OTOGL: variants seen among roughly 807,000 people sequenced by gnomAD.
OTOGL encodes otogelin like.
A neutral mutation model predicts 318.5 loss-of-function variants in OTOGL; 285 were observed. That is an observed-to-expected ratio of 0.89 (90% CI 0.81 to 0.99). The LOEUF (loss-of-function observed/expected upper bound fraction) is 0.99, where lower values mean the gene tolerates loss of function less well. Ranked by LOEUF, OTOGL falls within the 50% of genes least tolerant of loss-of-function variation. The probability of loss-of-function intolerance (pLI) is 0.00; values close to 1 mark genes in which losing one functional copy is unlikely to be tolerated. For synonymous variants in OTOGL, 987 were observed against 936.5 expected, an observed-to-expected ratio of 1.05 and a Z score of -0.99; for missense variants, 2,899 against 2,845.6, an observed-to-expected ratio of 1.02 and a Z score of -0.43.
At position 80,266,612 on chromosome 12, in the gene OTOGL, C is replaced by A. The variant is rs759309591; in HGVS notation, c.2386C>A (p.Pro796Thr). 45 of 1,612,550 alleles carry A rather than the reference C, an allele frequency of 2.8e-5. No homozygotes were observed. Among genetic ancestry groups the A allele is most frequent in the Non-Finnish European group, 3.8e-5 (45 of 1,179,188 alleles). Residue 796 changes from proline to threonine, a missense_variant, in exon 21 of 59, where the codon CCC becomes ACC. By Grantham distance (38) the Pro-to-Thr change is conservative (BLOSUM62 -1). Around this residue, in one of 3 missense-constraint regions of OTOGL, gnomAD observed 2,607 missense variants for 2,524.9 expected, o/e 1.03. Coordinates refer to ENST00000547103, the MANE Select transcript of OTOGL (RefSeq NM_001378609.3). ...TGAAGACACTCTTAACTTTTGTGTACCCATGTAAGTCGTAGAAACAGGTTG... is the reference window on the plus strand; with the variant it reads ...TGAAGACACTCTTAACTTTTGTGTAACCATGTAAGTCGTAGAAACAGGTTG... ...FYEDTLNFCV[P>T]IFHCRCHYRG...
At chr12:80,107,665 C>T (rs1434604459) in intron 1 of OTOGL, among the ~76,000 whole-genome samples, 6 of 152,006 alleles carry the variant, frequency 3.9e-5, no homozygotes, top group South Asian at 2.1e-4. Flanking sequence ...TTCATTGCAG[C>T]GCTGTTTACA....
intron 32 of OTOGL, among the ~76,000 whole-genome samples, chr12:80,315,826 G>A (rs1886935044): frequency 1.3e-5 from 2 of 152,044 alleles, no homozygotes; most frequent in Non-Finnish European, 2.9e-5. Context: ...AAAGAAAATC[G>A]AACTAAAATT....
At chr12:80,297,162 G>T (rs985976019) in intron 27 of OTOGL, among the ~76,000 whole-genome samples, 7 of 151,602 alleles carry the variant, frequency 4.6e-5, no homozygotes, top group Non-Finnish European at 1.0e-4. Context: ...CTTCCAATTC[G>T]CTCCTCTTGC....
intron 54 of OTOGL, 93 bp downstream of exon 54, chr12:80,367,832 T>C: frequency 6.2e-6 from 5 of 804,722 alleles, no homozygotes; most frequent in African/African-American, 1.8e-5. Context: ...TCCATTAGTT[T>C]AAAATATATA....
At chr12:80,151,277 T>A (rs1297989275) in intron 1 of OTOGL, among the ~76,000 whole-genome samples, 1 of 152,170 alleles carries the variant, frequency 6.6e-6, no homozygotes, top group Non-Finnish European at 1.5e-5. Context: ...AACTAAGATT[T>A]GATAGAAACT....
In OTOGL at chr12:80,174,945, A is replaced by AAACTGAGT. The variant is rs1319361539; in HGVS notation, c.-19-34465_-19-34458dup. On this transcript the variant is annotated intron_variant, in intron 1 of 58. Coordinates refer to ENST00000547103, the MANE Select transcript of OTOGL (RefSeq NM_001378609.3). ...TAAAACATGGTAAACAAACAAAAAA[A>AAACTGAGT]AACTGAGTAAAATACCTGGGAAAGT... 2.0e-5 allele frequency among the ~76,000 whole-genome samples: 3 copies of AAACTGAGT among 152,184 alleles called. No individual in the cohort carries two copies. In the East Asian group the frequency reaches 5.8e-4, roughly 29 times the overall value.
At position 80,353,423 on chromosome 12, in the gene OTOGL, T is replaced by A; in HGVS notation, c.5506T>A (p.Leu1836Met). The change falls in exon 46 of 59, where the codon TTG becomes ATG. Residue 1836 changes from leucine (L) to methionine (M), a missense_variant. This residue lies in a region of OTOGL where 2,607 missense variants were observed against 2,524.9 expected (regional missense o/e 1.03). Transcript: ENST00000547103. ...ATGGTTCTATGGACACACTTCCTGT[T>A]TGAATCTAAGAGAAGACTGTGTGTG... is the stretch of plus-strand genomic sequence containing the variant. The part of the protein sequence containing the change: ...NQWFYGHTSC[L>M]NLREDCVCKV... 6.2e-7 allele frequency: 1 copy of A among 1,604,560 alleles called. No individual in the cohort carries two copies. The highest frequency in any genetic ancestry group is 8.5e-7 in the Non-Finnish European group (1 of 1,175,180).
chr12:80,170,335 T>C (rs746345036), intron 1 of OTOGL, among the ~76,000 whole-genome samples: 16 of 152,278 alleles, frequency 1.1e-4, no homozygotes, highest in Admixed American at 7.2e-4. Context: ...TAATGACTAT[T>C]GATGGTGAAA....
Position 80,305,613 on chromosome 12 carries a change from G to A in OTOGL, c.3251G>A (p.Cys1084Tyr). The A allele has an allele frequency of 3.2e-6, 5 of 1,574,278 alleles. No homozygotes were observed. Among genetic ancestry groups the A allele is most frequent in the Non-Finnish European group, 4.3e-6 (5 of 1,170,662 alleles). Residue 1084 changes from cysteine (C) to tyrosine (Y), a missense_variant, in exon 29 of 59, where the codon TGC becomes TAC. Coordinates refer to ENST00000547103, the MANE Select transcript of OTOGL (RefSeq NM_001378609.3). ...GGATTGTGTGGAAACTTTGACAAAT[G>A]CACTTCAAATGATATGACCACATCT... Reference protein sequence around the residue: ...LSGLCGNFDKCTSNDMTTSNN... With the variant: ...LSGLCGNFDKYTSNDMTTSNN...
intron 1 of OTOGL, among the ~76,000 whole-genome samples, chr12:80,207,233 C>G (rs1876875662): frequency 6.6e-6 from 1 of 151,756 alleles, no homozygotes; most frequent in Non-Finnish European, 1.5e-5. Context: ...TGGAGTTTTA[C>G]TCTTGTTGCC....
At chr12:80,117,753 G>A (rs781673672) in intron 1 of OTOGL, among the ~76,000 whole-genome samples, 1 of 152,236 alleles carries the variant, frequency 6.6e-6, no homozygotes, top group African/African-American at 2.4e-5. Context: ...GTTAGCATCC[G>A]TATACCTAAT....
In OTOGL at chr12:80,372,057, C is replaced by G. The variant is rs1890908712; in HGVS notation, c.6774C>G (p.Cys2258Trp). ...GIVKLYNEGC[C>W]KICKREERIC... Reference sequence around the variant, plus strand: ...TGAAGCTTTATAATGAAGGCTGTTGCAAGATCTGTAAGTGAGAGCATATTC... The same window carrying G: ...TGAAGCTTTATAATGAAGGCTGTTGGAAGATCTGTAAGTGAGAGCATATTC... Residue 2258 changes from cysteine to tryptophan, a missense_variant, in exon 57 of 59, where the codon TGC becomes TGG. By Grantham distance (215) the Cys-to-Trp change is radical. Transcript: ENST00000547103. The G allele has an allele frequency of 1.3e-6, 2 of 1,550,990 alleles. No homozygotes were observed. Among genetic ancestry groups the G allele is most frequent in the Admixed American group, 1.9e-5 (1 of 52,822 alleles).
intron 4 of OTOGL, among the ~76,000 whole-genome samples, chr12:80,215,227 C>T (rs1364976372): frequency 6.8e-6 from 1 of 147,612 alleles, no homozygotes; most frequent in Non-Finnish European, 1.5e-5. Flanking sequence ...GAGTGAATGG[C>T]CTGATCTCCG....
At chr12:80,211,890 G>A in intron 3 of OTOGL, 59 bp from the exon 4 acceptor site, 8 of 1,348,596 alleles carry the variant, frequency 5.9e-6, no homozygotes, top group Non-Finnish European at 8.2e-6. Context: ...TCTTGGGAAA[G>A]GCTTGTTCAG....
At position 80,368,307 on chromosome 12, in the gene OTOGL, G is replaced by T. The variant is rs374634079; in HGVS notation, c.6613G>T (p.Ala2205Ser). The T allele has an allele frequency of 2.5e-4, 395 of 1,575,758 alleles. No individual in the cohort carries two copies. Among genetic ancestry groups the T allele is most frequent in the Non-Finnish European group, 3.3e-4 (379 of 1,155,070 alleles). The change falls in exon 55 of 59, where the codon GCG (alanine) becomes TCG (serine). Residue 2205 changes from alanine to serine, a missense_variant and splice_region_variant. Physicochemically the swap from Ala to Ser is moderately conservative, Grantham distance 99. Around this residue, in one of 3 missense-constraint regions of OTOGL, gnomAD observed 289 missense variants for 304.6 expected, o/e 0.95. Transcript: ENST00000547103. ...GGAAAATGGAACATCAGTTGTATAC[G>T]CGGTATGTTTCATGGAGAGTAATGC... ...HMENGTSVVY[A>S]VGSTWHYNCT...
chr12:80,182,548 G>A (rs1343663684), intron 1 of OTOGL, among the ~76,000 whole-genome samples: 1 of 152,210 alleles, frequency 6.6e-6, no homozygotes, highest in African/African-American at 2.4e-5. Context: ...ATAGAGGTTG[G>A]TTGAAGGCAT....
At chr12:80,373,201 A>C (rs1194160264) in intron 57 of OTOGL, among the ~76,000 whole-genome samples, 1 of 152,114 alleles carries the variant, frequency 6.6e-6, no homozygotes, top group Non-Finnish European at 1.5e-5. Context: ...TGGGAGGCCA[A>C]GTTGGGTGGA....
chr12:80,134,994 C>G (rs558003778), intron 1 of OTOGL, among the ~76,000 whole-genome samples: 2 of 152,286 alleles, frequency 1.3e-5, no homozygotes, highest in South Asian at 4.1e-4. Context: ...TGACCTTTCT[C>G]TAGCTAAAAC....
chr12:80,243,263 G>A (rs1382627434), intron 11 of OTOGL, among the ~76,000 whole-genome samples: 1 of 151,296 alleles, frequency 6.6e-6, no homozygotes, highest in African/African-American at 2.4e-5. Flanking sequence ...CCAGAAGGAA[G>A]TGGCTTAAAT....
Sources: allele counts gnomAD v4.1 joint callset (sites outside exome capture counted in the v4.1 genomes callset), GRCh38; gene constraint gnomAD v4.1.1; regional missense constraint gnomAD v4.1.1; transcripts MANE v1.5; gene names NCBI Gene and HGNC (gene_info 2026-07-23, HGNC 2026-07-21).